ABCC5: variants seen among roughly 807,000 people sequenced by gnomAD.
The protein encoded by ABCC5 is ATP binding cassette subfamily C member 5.
A neutral mutation model predicts 160.9 loss-of-function variants in ABCC5; 61 were observed. The ratio of observed to expected loss-of-function variants is 0.38; its 90% CI spans 0.31 to 0.47. The LOEUF is 0.47. ABCC5 is among the 20% of genes least tolerant of loss of function. ABCC5 has a pLI of 0.99. For missense variants in ABCC5, 1,308 were observed against 1,813.3 expected (o/e 0.72, Z 5.06); for synonymous variants, 666 against 700.6 (o/e 0.95, Z 0.78).
In ABCC5 at chr3:183,921,617, T is replaced by C. The variant is rs1457298834; in HGVS notation, c.4213-216A>G. ...AATGACTTCCAGCATTTTTGTAGTA[T>C]GTGGTTTTGCCTAATAAAGTAGTAT... On this transcript the variant is annotated intron_variant, in intron 29 of 29. Transcript: ENST00000334444. This position sits in a 1 kb window ranked among gnomAD's most constrained non-coding sequence, Gnocchi z 4.1. 1.3e-5 allele frequency among the ~76,000 whole-genome samples: 2 copies of C among 151,298 alleles called. No individual in the cohort carries two copies. The highest frequency in any genetic ancestry group is 6.6e-5 in the Admixed American group (1 of 15,166).
Position 183,963,700 on chromosome 3 carries a change from T to C in ABCC5, c.2032-112A>G. 1 of 910,338 alleles carries C rather than the reference T, an allele frequency of 1.1e-6. No individual in the cohort carries two copies. Among genetic ancestry groups the C allele is most frequent in the Non-Finnish European group, 1.6e-6 (1 of 632,168 alleles). The allele number at this position is 910,338 out of a possible 1,614,324, so 56.4% of individuals were successfully genotyped here. A position where few individuals can be genotyped will look rare whatever the true frequency, so the allele number is the denominator to read the frequency against. ...ACCCAGACCAGCTCCTTCTGTCAAT[T>C]CCCCGCAGATGAACTGCCATGCTGA... is the stretch of plus-strand genomic sequence containing the variant. On this transcript the variant is annotated intron_variant, in intron 14 of 29. Coordinates refer to ENST00000334444, the MANE Select transcript of ABCC5 (RefSeq NM_005688.4). This position sits in a 1 kb window ranked among gnomAD's most constrained non-coding sequence, Gnocchi z 4.6.
chr3:183,947,447 C>G lies in ABCC5; in HGVS notation c.3291G>C (p.Trp1097Cys). The change falls in exon 23 of 30, where the codon TGG becomes TGC. Residue 1097 changes from tryptophan to cysteine, a missense_variant. Physicochemically the swap from Trp to Cys is radical, Grantham distance 215. Around this residue, in one of 3 missense-constraint regions of ABCC5, gnomAD observed 1,142 missense variants for 1,527.1 expected, o/e 0.75. Coordinates refer to ENST00000334444, the MANE Select transcript of ABCC5 (RefSeq NM_005688.4). Reference protein sequence around the residue: ...PFFLFTCAMRWLAVRLDLISI... With the variant: ...PFFLFTCAMRCLAVRLDLISI... The stretch of plus-strand genomic sequence containing the variant: ...TGATGAGGTCCAGCCGCACAGCCAG[C>G]CACCGCATCGCACACGTAAACAAAA... 2 of 1,613,054 alleles carry G rather than the reference C, an allele frequency of 1.2e-6. No homozygotes were observed. The highest frequency in any genetic ancestry group is 1.7e-6 in the Non-Finnish European group (2 of 1,179,168).
chr3:183,944,698 G>A (rs1319134685), intron 24 of ABCC5, among the ~76,000 whole-genome samples: 2 of 152,058 alleles, frequency 1.3e-5, no homozygotes, highest in Admixed American at 6.6e-5. Flanking sequence ...ACACAAATTC[G>A]TCAACTTTCT....
chr3:183,927,747 T>C, intron 27 of ABCC5: 1 of 985,462 alleles, frequency 1.0e-6, no homozygotes, highest in Non-Finnish European at 1.2e-6. Context: ...TCTGAAAATA[T>C]GGTCTTGCAA....
intron 25 of ABCC5, chr3:183,942,293 C>T (rs149866982): frequency 0.065 from 28,381 of 434,820 alleles, 1,291 homozygotes; most frequent in East Asian, 0.18. Flanking sequence ...CTCGCCCTCC[C>T]AAAGTGCTGG....
chr3:183,949,632 G>C lies in ABCC5; in HGVS notation c.3227+121C>G. The C allele has an allele frequency of 8.0e-7, 1 of 1,253,186 alleles. No homozygotes were observed. 77.6% of individuals were successfully genotyped at this position (1,253,186 alleles called of 1,614,324 possible). A position where few individuals can be genotyped will look rare whatever the true frequency, so the allele number is the denominator to read the frequency against. ...ATCAGAGATTATTCCATTAAATCATGAATACCCTTGGTAATGAGGTTTATA... is the reference window on the plus strand; with the variant it reads ...ATCAGAGATTATTCCATTAAATCATCAATACCCTTGGTAATGAGGTTTATA... On this transcript the variant is annotated intron_variant, in intron 22 of 29. Transcript: ENST00000334444. This position sits in a 1 kb window ranked among gnomAD's most constrained non-coding sequence, Gnocchi z 4.2.
At chr3:184,013,089 A>G (rs1315587464) in intron 2 of ABCC5, among the ~76,000 whole-genome samples, 1 of 152,150 alleles carries the variant, frequency 6.6e-6, no homozygotes, top group East Asian at 1.9e-4. Context: ...GAAAAAGAAT[A>G]TTTTCTCGAG....
At chr3:183,985,800 G>T in intron 5 of ABCC5, 1 of 221,452 alleles carries the variant, frequency 4.5e-6, no homozygotes, top group Non-Finnish European at 9.2e-6. Flanking sequence ...CCCCACCGGC[G>T]TCACCAAAAC....
At chr3:183,968,681 G>A (rs1018760489) in intron 11 of ABCC5, among the ~76,000 whole-genome samples, 2 of 152,142 alleles carry the variant, frequency 1.3e-5, no homozygotes, top group African/African-American at 4.8e-5. Flanking sequence ...GTTTTCAAGG[G>A]ACAGACAGAT....
rs889324041 is a variant in ABCC5 at position 183,921,158 on chromosome 3, A to G, written c.*142T>C. ...AAATATGACTCTCCCTAAAAGTGAA[A>G]CACACAAGCCAATCCGGAACTGCTG... is the stretch of plus-strand genomic sequence containing the variant. On this transcript the variant is annotated 3_prime_UTR_variant, in exon 30 of 30. Coordinates refer to ENST00000334444, the MANE Select transcript of ABCC5 (RefSeq NM_005688.4). The surrounding 1 kb of genome is among the most constrained non-coding windows in gnomAD (Gnocchi z 4.1). The G allele has an allele frequency of 7.5e-6, 4 of 530,186 alleles. No homozygotes were observed. Among genetic ancestry groups the G allele is most frequent in the Non-Finnish European group, 1.4e-5 (4 of 290,422 alleles). The allele number at this position is 530,186 out of a possible 1,614,324, so 32.8% of individuals were successfully genotyped here.
chr3:183,959,308 C>T (rs909493164), intron 17 of ABCC5, among the ~76,000 whole-genome samples: 7 of 152,122 alleles, frequency 4.6e-5, no homozygotes, highest in South Asian at 2.1e-4. Flanking sequence ...GACAAAGTGA[C>T]GAGTCTACTG....
At chr3:183,956,647 CGGTT>C (rs1716028547) in intron 17 of ABCC5, among the ~76,000 whole-genome samples, 5 of 138,842 alleles carry the variant, frequency 3.6e-5, no homozygotes, top group Non-Finnish European at 4.7e-5. Flanking sequence ...TAAATCACAT[CGGTT>C]ACATGCAGAT....
intron 1 of ABCC5, among the ~76,000 whole-genome samples, chr3:184,016,267 T>C (rs1722184564): frequency 6.6e-6 from 1 of 152,154 alleles, no homozygotes; most frequent in African/African-American, 2.4e-5. Context: ...AGTTATTCTA[T>C]GTATGAAGGG....
chr3:183,930,458 G>A (rs1713069528), intron 26 of ABCC5, among the ~76,000 whole-genome samples: 2 of 152,224 alleles, frequency 1.3e-5, no homozygotes, highest in South Asian at 4.1e-4. Flanking sequence ...CTCCCCAAAA[G>A]ACACCTAAGT....
At chr3:184,014,533 A>T in intron 1 of ABCC5, 86 bp from the exon 2 acceptor site, 1 of 844,112 alleles carries the variant, frequency 1.2e-6, no homozygotes, top group East Asian at 3.3e-5. Flanking sequence ...TAGGAAAAAA[A>T]AAAAAAAGGC....
chr3:183,942,047 C>CT (rs71240299), intron 25 of ABCC5, among the ~76,000 whole-genome samples: 312 of 149,298 alleles, frequency 2.1e-3, no homozygotes, highest in African/African-American at 7.0e-3. Flanking sequence ...CATTTCTTTT[C>CT]TTTTTTTTTT....
intron 9 of ABCC5, among the ~76,000 whole-genome samples, chr3:183,977,963 G>A (rs1251485267): frequency 6.6e-6 from 1 of 152,158 alleles, no homozygotes; most frequent in African/African-American, 2.4e-5. Context: ...ATGTTGGCCA[G>A]GCTGGTCTCA....
In ABCC5 at chr3:183,963,683, C is replaced by G. The variant is rs1362497422; in HGVS notation, c.2032-95G>C. 2 of 1,171,514 alleles carry G rather than the reference C, an allele frequency of 1.7e-6. No homozygotes were observed. The highest frequency in any genetic ancestry group is 2.4e-6 in the Non-Finnish European group (2 of 825,246). 72.6% of individuals were successfully genotyped at this position (1,171,514 alleles called of 1,614,324 possible). A position where few individuals can be genotyped will look rare whatever the true frequency, so the allele number is the denominator to read the frequency against. ...CACTTCTCTTCTTGCCCACCCAGAC[C>G]AGCTCCTTCTGTCAATTCCCCGCAG... is the stretch of plus-strand genomic sequence containing the variant. On this transcript the variant is annotated intron_variant, in intron 14 of 29. Coordinates refer to ENST00000334444, the MANE Select transcript of ABCC5 (RefSeq NM_005688.4). This position sits in a 1 kb window ranked among gnomAD's most constrained non-coding sequence, Gnocchi z 4.6.
rs1719534072 is a variant in ABCC5, at chr3:183,989,401, G to C, written c.130-18C>G. 1 of 1,613,028 alleles carries C rather than the reference G, an allele frequency of 6.2e-7. No homozygotes were observed. The highest frequency in any genetic ancestry group is 1.7e-5 in the Admixed American group (1 of 59,946). On this transcript the variant is annotated intron_variant, in intron 2 of 29. Coordinates refer to ENST00000334444, the MANE Select transcript of ABCC5 (RefSeq NM_005688.4). ...CATTCCAACTGTTCCAGCAGATAGG[G>C]AGAAAGGCAAGAGCACAGTTAATAC...
Sources: gnomAD v4.1 joint callset for allele counts (sites outside exome capture counted in the v4.1 genomes callset) on GRCh38, gnomAD v4.1.1 for gene constraint, gnomAD v4.1.1 regional missense constraint, Gnocchi (gnomAD v3.1) non-coding constraint, MANE v1.5 for transcripts, NCBI Gene and HGNC (gene_info 2026-07-23, HGNC 2026-07-21) for gene names.